The following SLC6A18 variants were observed in gnomAD, a reference collection of about 807,000 sequenced individuals.
The protein encoded by SLC6A18 is solute carrier family 6 member 18, also known as inactive sodium-dependent neutral amino acid transporter B(0)AT3.
In SLC6A18, 58 loss-of-function variants were observed where a neutral mutation model predicts 62.9. That is an observed-to-expected ratio of 0.92 (90% CI 0.75 to 1.15). The LOEUF is 1.15. SLC6A18 is among the 50% of genes most tolerant of loss of function. The pLI is 0.00. For synonymous variants in SLC6A18, 382 were observed against 365.8 expected (o/e 1.04, Z -0.51); for missense variants, 793 against 836.6 (o/e 0.95, Z 0.64).
chr5:1,233,884 G>A (rs1746808542), intron 3 of SLC6A18, among the ~76,000 whole-genome samples: 1 of 152,054 alleles, frequency 6.6e-6, no homozygotes, highest in Non-Finnish European at 1.5e-5. Context: ...TAGGACTACA[G>A]GCGCCTGCCA....
At chr5:1,245,346 G>A (rs879865088) in intron 11 of SLC6A18, among the ~76,000 whole-genome samples, 23 of 152,088 alleles carry the variant, frequency 1.5e-4, no homozygotes, top group Non-Finnish European at 2.5e-4. Flanking sequence ...ACTGGTGGCC[G>A]CTCAAAACCT....
At chr5:1,242,227 C>A (rs895303890) in intron 7 of SLC6A18, among the ~76,000 whole-genome samples, 5 of 152,230 alleles carry the variant, frequency 3.3e-5, no homozygotes, top group African/African-American at 1.2e-4. Flanking sequence ...GGGGAGTGCT[C>A]CCCTTCCAAA....
At chr5:1,233,749 A>ATTTTTTTTT (rs70957337) in intron 3 of SLC6A18, among the ~76,000 whole-genome samples, 19,985 of 138,160 alleles carry the variant, frequency 0.14, 1,942 homozygotes, top group Middle Eastern at 0.26. Context: ...CACTCAGCTA[A>ATTTTTTTTT]TTTTTTTTTT....
rs1747171557 is a variant in SLC6A18, at chr5:1,244,719, C to T, written c.1608C>T (p.Ile536=). The T allele has an allele frequency of 1.9e-6, 3 of 1,612,326 alleles. No individual in the cohort carries two copies. In the Admixed American group the frequency reaches 5.0e-5, roughly 27 times the overall value. Residue 536 remains isoleucine, a synonymous_variant, in exon 11 of 12, where the codon ATC becomes ATT. Coordinates refer to ENST00000324642, the MANE Select transcript of SLC6A18 (RefSeq NM_182632.3). ...TGACCATCTTTGTGGCTTACATCAT[C>T]CTCCTGTTCTGGAAGCCACTGAGAT... ...LLLTIFVAYI[I]LLFWKPLRYK...
At position 1,232,808 on chromosome 5, in the gene SLC6A18, C is replaced by T. The variant is rs368718926; in HGVS notation, c.359C>T (p.Ala120Val). Reference protein sequence around the residue: ...LISLYYNTIVAWVLWYLLNSF... With the variant: ...LISLYYNTIVVWVLWYLLNSF... Reference sequence around the variant, plus strand: ...AGCCTGTACTACAACACCATCGTGGCGTGGGTGCTGTGGTACCTCCTCAAC... The same window carrying T: ...AGCCTGTACTACAACACCATCGTGGTGTGGGTGCTGTGGTACCTCCTCAAC... The change falls in exon 3 of 12, where the codon GCG becomes GTG. Residue 120 changes from alanine to valine, a missense_variant. Physicochemically the swap from Ala to Val is moderately conservative, Grantham distance 64 (BLOSUM62 0). Coordinates refer to ENST00000324642, the MANE Select transcript of SLC6A18 (RefSeq NM_182632.3). 3.0e-5 allele frequency: 48 copies of T among 1,613,356 alleles called. No homozygotes were observed. The Admixed American group carries it at 3.8e-4, about 13-fold the overall frequency.
chr5:1,228,400 G>A (rs949944146), intron 1 of SLC6A18, among the ~76,000 whole-genome samples: 2 of 152,166 alleles, frequency 1.3e-5, no homozygotes, highest in African/African-American at 4.8e-5. Flanking sequence ...ATGACCCTGG[G>A]CGTGTCTCTG....
intron 1 of SLC6A18, among the ~76,000 whole-genome samples, chr5:1,227,825 G>A (rs1579523958): frequency 6.6e-6 from 1 of 152,232 alleles, no homozygotes; most frequent in East Asian, 1.9e-4. Flanking sequence ...ACTCGTAAAT[G>A]CCAAGCGATG....
At position 1,243,536 on chromosome 5, in the gene SLC6A18, G is replaced by A. The variant is rs79457861; in HGVS notation, c.1132-19G>A. 2,497 of 1,611,058 alleles carry A rather than the reference G, an allele frequency of 1.5e-3. 34 individuals carry two copies. In the East Asian group the frequency reaches 0.035, roughly 23 times the overall value. ...TGTGTGTGTGCGTGGCCTGAAGCCC[G>A]GGGCTCCGTGTATTGCAGAGTGCCT... is the stretch of plus-strand genomic sequence containing the variant. On this transcript the variant is annotated intron_variant, in intron 8 of 11. Coordinates refer to ENST00000324642, the MANE Select transcript of SLC6A18 (RefSeq NM_182632.3). This position sits in a 1 kb window ranked among gnomAD's most constrained non-coding sequence, Gnocchi z 6.5.
Position 1,242,133 on chromosome 5 carries a change from C to A in SLC6A18, c.975-574C>A, listed in dbSNP as rs116538039. Among the ~76,000 whole-genome samples the A allele has an allele frequency of 3.4e-3, 511 of 152,284 alleles. 2 individuals are homozygous for A. The highest frequency in any genetic ancestry group is 0.012 in the African/African-American group (486 of 41,566). On this transcript the variant is annotated intron_variant, in intron 7 of 11. Transcript: ENST00000324642. Reference sequence around the variant, plus strand: ...AACCTTCAGAAGCCCAGGTCCTTGTCTGCAGGGCGGCCCCACAGGGCGAAT... The same window carrying A: ...AACCTTCAGAAGCCCAGGTCCTTGTATGCAGGGCGGCCCCACAGGGCGAAT...
rs184305650 is a variant in SLC6A18, at chr5:1,241,900, G to A, written c.975-807G>A. ...GCGCCGTGCAGCCCAAGCTGGCCTC[G>A]TGTGCCACATGGGGCTAGAAGTGAG... On this transcript the variant is annotated intron_variant, in intron 7 of 11. Transcript: ENST00000324642. This position sits in a 1 kb window ranked among gnomAD's most constrained non-coding sequence, Gnocchi z 7.8. Among the ~76,000 whole-genome samples the A allele has an allele frequency of 2.0e-5, 3 of 152,348 alleles. No individual in the cohort carries two copies. The highest frequency in any genetic ancestry group is 1.9e-4 in the East Asian group (1 of 5,186).
rs752603095 is a variant in SLC6A18, at chr5:1,246,091, C to A, written c.*13C>A. ...GGACATGCGCTGAAGCCGGCCGGAG[C>A]GGGGCCTGCATGGGCGGGTCTGTGG... On this transcript the variant is annotated 3_prime_UTR_variant, in exon 12 of 12. Coordinates refer to ENST00000324642, the MANE Select transcript of SLC6A18 (RefSeq NM_182632.3). The A allele has an allele frequency of 1.3e-6, 2 of 1,487,350 alleles. No individual in the cohort carries two copies. Among genetic ancestry groups the A allele is most frequent in the South Asian group, 1.2e-5 (1 of 84,656 alleles). 92.1% of individuals were successfully genotyped at this position (1,487,350 alleles called of 1,614,324 possible).
chr5:1,244,801 G>A (rs1012013865), intron 11 of SLC6A18, 34 bp downstream of exon 11: 3 of 1,570,744 alleles, frequency 1.9e-6, no homozygotes, highest in Non-Finnish European at 2.6e-6. Flanking sequence ...GGGAAGTCCT[G>A]GGACCCCTCG....
chr5:1,237,214 C>T (rs1215134610), intron 4 of SLC6A18, among the ~76,000 whole-genome samples: 6 of 139,754 alleles, frequency 4.3e-5, no homozygotes, highest in African/African-American at 1.7e-4. Context: ...GCACTCCAGC[C>T]TGGGCAAGAG....
At position 1,245,844 on chromosome 5, in the gene SLC6A18, G is replaced by T. The variant is rs780123930; in HGVS notation, c.1657-4G>T. On this transcript the variant is annotated splice_polypyrimidine_tract_variant and splice_region_variant and intron_variant, in intron 11 of 11. Transcript: ENST00000324642. ...CGCCAGCTAATGAGGCTGTGGTCCCGCAGGAGCTGTTCCCCTCGCGTCAGG... is the reference window on the plus strand; with the variant it reads ...CGCCAGCTAATGAGGCTGTGGTCCCTCAGGAGCTGTTCCCCTCGCGTCAGG... 1 of 1,604,376 alleles carries T rather than the reference G, an allele frequency of 6.2e-7. No homozygotes were observed. Among genetic ancestry groups the T allele is most frequent in the Non-Finnish European group, 8.5e-7 (1 of 1,176,652 alleles).
chr5:1,227,965 G>A (rs1746624821), intron 1 of SLC6A18, among the ~76,000 whole-genome samples: 4 of 152,152 alleles, frequency 2.6e-5, no homozygotes, highest in African/African-American at 7.2e-5. Context: ...CTCATCAAGC[G>A]CGCCCCCTCC....
chr5:1,240,675 G>T lies in SLC6A18; in HGVS notation c.974+16G>T, dbSNP rs368927492. The T allele has an allele frequency of 1.2e-6, 2 of 1,612,600 alleles. No individual in the cohort carries two copies. Among genetic ancestry groups the T allele is most frequent in the Non-Finnish European group, 1.7e-6 (2 of 1,179,660 alleles). On this transcript the variant is annotated intron_variant, in intron 7 of 11. Transcript: ENST00000324642. Reference sequence around the variant, plus strand: ...GCCTGGACAGGTGAGCACAGGTGCCGCGCCTGGCTCTGTGGGGCACAGCCG... The same window carrying T: ...GCCTGGACAGGTGAGCACAGGTGCCTCGCCTGGCTCTGTGGGGCACAGCCG...
rs1747062869 is a variant in SLC6A18, at chr5:1,241,646, G to A, written c.974+987G>A. ...CAGAAGGGACAGTGTTTTACAGGAT[G>A]AGCCGGGTCAGGGAGGACGGTGATT... On this transcript the variant is annotated intron_variant, in intron 7 of 11. Coordinates refer to ENST00000324642, the MANE Select transcript of SLC6A18 (RefSeq NM_182632.3). This position sits in a 1 kb window ranked among gnomAD's most constrained non-coding sequence, Gnocchi z 7.8. Among the ~76,000 whole-genome samples, 1 of 152,194 alleles carries A rather than the reference G, an allele frequency of 6.6e-6. No homozygotes were observed. Among genetic ancestry groups the A allele is most frequent in the Admixed American group, 6.5e-5 (1 of 15,288 alleles).
At position 1,244,775 on chromosome 5, in the gene SLC6A18, C is replaced by T; in HGVS notation, c.1656+8C>T. ...GCCTGGAACCCCAAATACGTAGGTC[C>T]TTCCGGTGGGAACCTGGGAAGTCCT... is the stretch of plus-strand genomic sequence containing the variant. On this transcript the variant is annotated splice_region_variant and intron_variant, in intron 11 of 11. Coordinates refer to ENST00000324642, the MANE Select transcript of SLC6A18 (RefSeq NM_182632.3). The T allele has an allele frequency of 6.3e-7, 1 of 1,590,678 alleles. No individual in the cohort carries two copies. The highest frequency in any genetic ancestry group is 8.6e-7 in the Non-Finnish European group (1 of 1,162,776).
At position 1,225,645 on chromosome 5, in the gene SLC6A18, C is replaced by T. The variant is rs754013911; in HGVS notation, c.160+8C>T. The T allele has an allele frequency of 1.3e-5, 20 of 1,559,752 alleles. No individual in the cohort carries two copies. The highest frequency in any genetic ancestry group is 1.6e-5 in the Non-Finnish European group (18 of 1,151,878). On this transcript the variant is annotated splice_region_variant and intron_variant, in intron 1 of 11. Coordinates refer to ENST00000324642, the MANE Select transcript of SLC6A18 (RefSeq NM_182632.3). ...GCCAGACCTATGGAGGAGGTAAGCA[C>T]CCACCTGCGTCCTGGGGCAGACCCC...
Sources: allele counts gnomAD v4.1 joint callset (sites outside exome capture counted in the v4.1 genomes callset), GRCh38; gene constraint gnomAD v4.1.1; non-coding constraint Gnocchi (gnomAD v3.1); transcripts MANE v1.5; gene names NCBI Gene and HGNC (gene_info 2026-07-23, HGNC 2026-07-21).